PRSS12: variants seen among roughly 807,000 people sequenced by gnomAD.
PRSS12 encodes neurotrypsin.
PRSS12 carries 85 observed loss-of-function variants against 104.4 expected under a neutral mutation model. That is an observed-to-expected ratio of 0.81 (90% CI 0.68 to 0.98). The LOEUF (loss-of-function observed/expected upper bound fraction) is 0.98, where lower values mean the gene tolerates loss of function less well. PRSS12 is among the 50% of genes least tolerant of loss of function. The pLI, the probability that PRSS12 is intolerant of heterozygous loss-of-function variation, is 0.00. For synonymous variants in PRSS12, 454 were observed against 425.2 expected (o/e 1.07, Z -0.83); for missense variants, 1,141 against 1,139.2 (o/e 1.00, Z -0.02).
chr4:118,311,569 C>A (rs920098602), intron 7 of PRSS12, among the ~76,000 whole-genome samples: 2 of 152,152 alleles, frequency 1.3e-5, no homozygotes, highest in South Asian at 4.2e-4. Context: ...TATGAATGAA[C>A]AAATAGTAAT....
intron 4 of PRSS12, among the ~76,000 whole-genome samples, chr4:118,324,201 A>C (rs958177451): frequency 6.6e-6 from 1 of 152,020 alleles, no homozygotes; most frequent in African/African-American, 2.4e-5. Flanking sequence ...AAGACAAAGC[A>C]ATCAACTTAA....
intron 11 of PRSS12, among the ~76,000 whole-genome samples, chr4:118,291,447 T>C (rs1386262433): frequency 6.6e-6 from 1 of 152,234 alleles, no homozygotes; most frequent in Admixed American, 6.5e-5. Flanking sequence ...ATCTTTGAAC[T>C]GTCCTCGTGT....
intron 4 of PRSS12, among the ~76,000 whole-genome samples, chr4:118,323,862 T>C (rs1723696608): frequency 6.6e-6 from 1 of 151,796 alleles, no homozygotes; most frequent in African/African-American, 2.4e-5. Context: ...ACAGTTTACT[T>C]ATATAAATAT....
chr4:118,324,916 G>C (rs1723729927), intron 4 of PRSS12, among the ~76,000 whole-genome samples: 1 of 151,872 alleles, frequency 6.6e-6, no homozygotes, highest in Admixed American at 6.6e-5. Context: ...TCACCATGTT[G>C]GTCAGGCTGG....
In PRSS12 at chr4:118,280,155, A is replaced by T. The variant is rs1742803530; in HGVS notation, c.*1781T>A. The T allele has an allele frequency of 1.3e-5, 2 of 152,244 alleles. No homozygotes were observed. The highest frequency in any genetic ancestry group is 4.8e-5 in the African/African-American group (2 of 41,464). 9.4% of individuals were successfully genotyped at this position (152,244 alleles called of 1,614,324 possible). On this transcript the variant is annotated 3_prime_UTR_variant, in exon 13 of 13. Coordinates refer to ENST00000296498, the MANE Select transcript of PRSS12 (RefSeq NM_003619.4). ...TTGTATGAACCATGTATTCTTAAGG[A>T]TTGAGCAAACTGCAGGCTGCTTGCT...
intron 1 of PRSS12, among the ~76,000 whole-genome samples, chr4:118,346,321 C>T (rs963399838): frequency 1.3e-5 from 2 of 152,100 alleles, no homozygotes; most frequent in Admixed American, 6.5e-5. Flanking sequence ...ATTCAAGACA[C>T]ATCCACACCC....
At chr4:118,314,315 T>C (rs2126034212) in intron 6 of PRSS12, among the ~76,000 whole-genome samples, 1 of 152,264 alleles carries the variant, frequency 6.6e-6, no homozygotes, top group Non-Finnish European at 1.5e-5. Flanking sequence ...TCTTCTTTTT[T>C]TATGCAAGTA....
At chr4:118,340,188 A>G (rs895136871) in intron 1 of PRSS12, among the ~76,000 whole-genome samples, 5 of 152,220 alleles carry the variant, frequency 3.3e-5, no homozygotes, top group African/African-American at 1.2e-4. Context: ...ATAGAGCTGG[A>G]AATAGTTTCC....
intron 1 of PRSS12, among the ~76,000 whole-genome samples, chr4:118,348,726 A>G (rs1724417104): frequency 6.6e-6 from 1 of 150,902 alleles, no homozygotes; most frequent in Admixed American, 6.6e-5. Flanking sequence ...AGTTCGGCTC[A>G]CTACAACCTC....
intron 6 of PRSS12, among the ~76,000 whole-genome samples, chr4:118,314,609 A>G (rs1054327913): frequency 2.0e-4 from 30 of 152,118 alleles, no homozygotes; most frequent in African/African-American, 5.8e-4. Flanking sequence ...ACTTTTTCTC[A>G]TTACAAAAGA....
chr4:118,282,078 A>G lies in PRSS12; in HGVS notation c.2486T>C (p.Leu829Pro), dbSNP rs1742884870. 6.2e-7 allele frequency: 1 copy of G among 1,613,996 alleles called. No homozygotes were observed. Among genetic ancestry groups the G allele is most frequent in the African/African-American group, 1.3e-5 (1 of 74,876 alleles). ...DSCQGDSGGP[L>P]MCERPGESWV... ...GCTCTCTCCGGGCCGTTCACACATG[A>G]GTGGTCCTCCGCTGTCTCCCTGGCA... The change falls in exon 13 of 13, where the codon CTC (leucine) becomes CCC (proline). Residue 829 changes from leucine (L) to proline (P), a missense_variant. Coordinates refer to ENST00000296498, the MANE Select transcript of PRSS12 (RefSeq NM_003619.4).
At chr4:118,303,346 A>T (rs1743448469) in intron 8 of PRSS12, 2 of 152,160 alleles carry the variant, frequency 1.3e-5, no homozygotes, top group African/African-American at 4.8e-5. Flanking sequence ...TAACTCACTT[A>T]AAGAAACCAA....
chr4:118,317,685 T>A lies in PRSS12; in HGVS notation c.1150+693A>T, dbSNP rs553767474. Among the ~76,000 whole-genome samples, 8 of 152,324 alleles carry A rather than the reference T, an allele frequency of 5.3e-5. No homozygotes were observed. The East Asian group carries it at 1.3e-3, about 26-fold the overall frequency. On this transcript the variant is annotated intron_variant, in intron 5 of 12. Coordinates refer to ENST00000296498, the MANE Select transcript of PRSS12 (RefSeq NM_003619.4). The stretch of plus-strand genomic sequence containing the variant: ...ATAGAAGTATGTGAAGAGAATGATA[T>A]AAATCTGGTATTTCATAGATTCTAA...
At chr4:118,322,234 C>T (rs1328978299) in intron 4 of PRSS12, among the ~76,000 whole-genome samples, 1 of 151,948 alleles carries the variant, frequency 6.6e-6, no homozygotes, top group Admixed American at 6.6e-5. Flanking sequence ...ATATCCTCTC[C>T]CAGAGAAAAC....
intron 8 of PRSS12, among the ~76,000 whole-genome samples, chr4:118,306,885 C>T (rs1743569471): frequency 6.6e-6 from 1 of 152,006 alleles, no homozygotes; most frequent in Non-Finnish European, 1.5e-5. Flanking sequence ...ATTTGAAGGT[C>T]AACTTTGGTG....
intron 11 of PRSS12, among the ~76,000 whole-genome samples, chr4:118,283,891 A>G (rs1742953614): frequency 2.0e-5 from 3 of 152,186 alleles, no homozygotes; most frequent in Admixed American, 1.3e-4. Flanking sequence ...GTGTTCACTG[A>G]TTAATCTAAA....
At chr4:118,305,557 C>G (rs1743526447) in intron 8 of PRSS12, among the ~76,000 whole-genome samples, 1 of 152,062 alleles carries the variant, frequency 6.6e-6, no homozygotes, top group South Asian at 2.1e-4. Context: ...AACCAAGGTG[C>G]TAAATATATC....
At chr4:118,327,790 T>G (rs1029382064) in intron 4 of PRSS12, among the ~76,000 whole-genome samples, 1 of 152,224 alleles carries the variant, frequency 6.6e-6, no homozygotes, top group Non-Finnish European at 1.5e-5. Context: ...AACATCTGGC[T>G]GCCTCCTTTC....
At position 118,352,716 on chromosome 4, in the gene PRSS12, G is replaced by A. The variant is rs758517447; in HGVS notation, c.5C>T (p.Thr2Met). 3 of 1,612,586 alleles carry A rather than the reference G, an allele frequency of 1.9e-6. No homozygotes were observed. Among genetic ancestry groups the A allele is most frequent in the Non-Finnish European group, 1.7e-6 (2 of 1,179,152 alleles). Reference sequence around the variant, plus strand: ...CAGGGCTAGCACGAAGCGGGCGAGCGTCATGGTGCCAGCGCTGCGGGGTCT... The same window carrying A: ...CAGGGCTAGCACGAAGCGGGCGAGCATCATGGTGCCAGCGCTGCGGGGTCT... M[T>M]LARFVLALML... The change falls in exon 1 of 13, where the codon ACG becomes ATG. Residue 2 changes from threonine (T) to methionine (M), a missense_variant. Physicochemically the swap from Thr to Met is moderately conservative, Grantham distance 81. Coordinates refer to ENST00000296498, the MANE Select transcript of PRSS12 (RefSeq NM_003619.4).
Sources: allele counts gnomAD v4.1 joint callset (sites outside exome capture counted in the v4.1 genomes callset), GRCh38; gene constraint gnomAD v4.1.1; transcripts MANE v1.5; gene names NCBI Gene and HGNC (gene_info 2026-07-23, HGNC 2026-07-21).